SNX29: variants seen among roughly 807,000 people sequenced by gnomAD.
The protein encoded by SNX29 is sorting nexin-29.
Under a neutral mutation model 102.1 loss-of-function variants are expected in SNX29, and 78 were observed. That is an observed-to-expected ratio of 0.76 (90% CI 0.64 to 0.92). The LOEUF (loss-of-function observed/expected upper bound fraction) is 0.92, where lower values mean the gene tolerates loss of function less well. SNX29 is among the 40% of genes least tolerant of loss of function. The pLI is 0.00. For synonymous variants in SNX29, 580 were observed against 414.5 expected (o/e 1.40, Z -4.85); for missense variants, 1,280 against 1,061.7 (o/e 1.21, Z -2.86).
intron 18 of SNX29, among the ~76,000 whole-genome samples, chr16:12,445,426 T>C (rs765225748): frequency 1.1e-4 from 17 of 152,182 alleles, no homozygotes; most frequent in Non-Finnish European, 2.5e-4. Flanking sequence ...AACTCTCCTG[T>C]GTGCATCTCC....
intron 18 of SNX29, among the ~76,000 whole-genome samples, chr16:12,470,485 A>G (rs1468334746): frequency 6.6e-6 from 1 of 152,170 alleles, no homozygotes; most frequent in African/African-American, 2.4e-5. Context: ...CAGGGACTGG[A>G]TAAATGCCCA....
intron 18 of SNX29, among the ~76,000 whole-genome samples, chr16:12,457,966 C>G (rs2086611358): frequency 6.6e-6 from 1 of 152,196 alleles, no homozygotes; most frequent in African/African-American, 2.4e-5. Context: ...GTGTGCCTAT[C>G]ACATCTGAAA....
chr16:12,029,012 C>T (rs2057269209), intron 4 of SNX29, among the ~76,000 whole-genome samples: 1 of 152,122 alleles, frequency 6.6e-6, no homozygotes, highest in African/African-American at 2.4e-5. Flanking sequence ...TTCCAGAGTG[C>T]TGGGATTATA....
At chr16:12,117,902 T>C (rs1283283440) in intron 11 of SNX29, among the ~76,000 whole-genome samples, 2 of 152,196 alleles carry the variant, frequency 1.3e-5, no homozygotes, top group Non-Finnish European at 2.9e-5. Flanking sequence ...GAGACCACCC[T>C]GGCTAACACA....
chr16:12,550,395 C>A (rs1471439155), intron 20 of SNX29, among the ~76,000 whole-genome samples: 1 of 152,052 alleles, frequency 6.6e-6, no homozygotes, highest in Non-Finnish European at 1.5e-5. Context: ...ATTAGCCAGG[C>A]ATGGTGGTGC....
At chr16:12,550,348 A>T (rs1242833331) in intron 20 of SNX29, among the ~76,000 whole-genome samples, 1 of 152,176 alleles carries the variant, frequency 6.6e-6, no homozygotes, top group East Asian at 1.9e-4. Context: ...CAGCCTAGCC[A>T]ACAAGAGGAA....
chr16:12,362,573 C>G (rs1273689518), intron 16 of SNX29, among the ~76,000 whole-genome samples: 1 of 78,954 alleles, frequency 1.3e-5, no homozygotes, highest in Admixed American at 1.1e-4. Context: ...CCCCCCCCCC[C>G]ACCAGTTTCT....
chr16:12,126,760 A>T (rs2054230329), intron 12 of SNX29, 64 bp downstream of exon 12: 1 of 1,567,264 alleles, frequency 6.4e-7, no homozygotes. Flanking sequence ...TGGGGAAGAC[A>T]GAATATAACA....
At position 12,274,082 on chromosome 16, in the gene SNX29, C is replaced by T. The variant is rs546398307; in HGVS notation, c.1679-3851C>T. Reference sequence around the variant, plus strand: ...CCTATATCTTGGGATCTATGTATTACGATTGCTAGAATTCTTCCCTTCTTT... The same window carrying T: ...CCTATATCTTGGGATCTATGTATTATGATTGCTAGAATTCTTCCCTTCTTT... On this transcript the variant is annotated intron_variant, in intron 14 of 20. Transcript: ENST00000566228. Among the ~76,000 whole-genome samples, 21 of 152,284 alleles carry T rather than the reference C, an allele frequency of 1.4e-4. No individual in the cohort carries two copies. In the East Asian group the frequency reaches 2.9e-3, roughly 21 times the overall value.
At chr16:12,440,171 C>A (rs1175496782) in intron 18 of SNX29, among the ~76,000 whole-genome samples, 1 of 152,230 alleles carries the variant, frequency 6.6e-6, no homozygotes, top group Non-Finnish European at 1.5e-5. Context: ...CATCCTCCCT[C>A]CCCTTGCCTT....
intron 1 of SNX29, among the ~76,000 whole-genome samples, chr16:11,995,557 C>G (rs577563390): frequency 3.3e-5 from 5 of 151,650 alleles, no homozygotes; most frequent in South Asian, 2.1e-4. Flanking sequence ...TCTTCCCCCC[C>G]CACCCCATCA....
chr16:12,568,319 G>T (rs1245039256), intron 20 of SNX29, among the ~76,000 whole-genome samples, 187 bp from the exon 21 acceptor site: 2 of 104,148 alleles, frequency 1.9e-5, no homozygotes, highest in Admixed American at 9.1e-5. Flanking sequence ...AAAAAAAAAT[G>T]GAAAGGTTTA....
chr16:12,383,515 C>A lies in SNX29; in HGVS notation c.1900-14931C>A, dbSNP rs566123562. On this transcript the variant is annotated intron_variant, in intron 16 of 20. Transcript: ENST00000566228. The stretch of plus-strand genomic sequence containing the variant: ...GCAGTGGTGCGATCTTGGCTCACTA[C>A]AACCTCTGCCTCCTGGGTTCAAGCG... Among the ~76,000 whole-genome samples, 79 of 152,154 alleles carry A rather than the reference C, an allele frequency of 5.2e-4. 1 individual carries two copies. Among genetic ancestry groups the A allele is most frequent in the African/African-American group, 1.9e-3 (79 of 41,504 alleles).
At chr16:12,325,157 A>C (rs1204788147) in intron 15 of SNX29, among the ~76,000 whole-genome samples, 1 of 152,172 alleles carries the variant, frequency 6.6e-6, no homozygotes, top group African/African-American at 2.4e-5. Context: ...GCCCCTCCCT[A>C]ATGGCAAGAA....
chr16:12,154,152 C>T (rs2055427272), intron 13 of SNX29, among the ~76,000 whole-genome samples: 1 of 152,216 alleles, frequency 6.6e-6, no homozygotes, highest in Admixed American at 6.5e-5. Flanking sequence ...CCACCGACCC[C>T]ACCTCTTTTT....
At chr16:12,514,550 T>C (rs1281190385) in intron 19 of SNX29, among the ~76,000 whole-genome samples, 6 of 152,122 alleles carry the variant, frequency 3.9e-5, no homozygotes, top group African/African-American at 1.4e-4. Flanking sequence ...GCTTCATTCT[T>C]CTGAAATGGG....
chr16:12,573,845 C>G lies in SNX29; in HGVS notation c.*5216C>G, dbSNP rs2079236859. On this transcript the variant is annotated 3_prime_UTR_variant, in exon 21 of 21. Transcript: ENST00000566228. ...GGAATTTTTATTATCCAGGACTCAT[C>G]CTAAGAAGAATGTTGGCCTCTCTTC... 1 of 210,814 alleles carries G rather than the reference C, an allele frequency of 4.7e-6. No homozygotes were observed. The highest frequency in any genetic ancestry group is 2.4e-5 in the African/African-American group (1 of 42,068). 13.1% of individuals were successfully genotyped at this position (210,814 alleles called of 1,614,324 possible).
At chr16:12,207,130 A>G (rs573690394) in intron 14 of SNX29, among the ~76,000 whole-genome samples, 2 of 152,218 alleles carry the variant, frequency 1.3e-5, no homozygotes, top group South Asian at 4.1e-4. Flanking sequence ...GCATTTCGGG[A>G]GGCCAAGACG....
At chr16:12,176,200 T>C (rs1192026510) in intron 13 of SNX29, among the ~76,000 whole-genome samples, 1 of 152,212 alleles carries the variant, frequency 6.6e-6, no homozygotes, top group Non-Finnish European at 1.5e-5. Context: ...AATACATTTC[T>C]GTGGTTTCAA....
Sources: allele counts gnomAD v4.1 joint callset (sites outside exome capture counted in the v4.1 genomes callset), GRCh38; gene constraint gnomAD v4.1.1; transcripts MANE v1.5; gene names NCBI Gene and HGNC (gene_info 2026-07-23, HGNC 2026-07-21).